Variants in MYO10 observed in about 807,000 individuals in gnomAD.
MYO10 encodes unconventional myosin-X.
In MYO10, 133 loss-of-function variants were observed where a neutral mutation model predicts 257.3. That is an observed-to-expected ratio of 0.52 (90% CI 0.45 to 0.60). MYO10 has a LOEUF of 0.60. MYO10 is among the 20% of genes least tolerant of loss of function. The probability of loss-of-function intolerance (pLI) is 0.00; values close to 1 mark genes in which losing one functional copy is unlikely to be tolerated. For missense variants in MYO10, 2,399 were observed against 2,635.7 expected (o/e 0.91, Z 1.97); for synonymous variants, 1,104 against 1,028.6 (o/e 1.07, Z -1.40).
chr5:16,688,765 G>T (rs900928767), intron 28 of MYO10, among the ~76,000 whole-genome samples: 4 of 132,980 alleles, frequency 3.0e-5, no homozygotes, highest in African/African-American at 1.1e-4. Context: ...AAAAAAAAAA[G>T]ATGTTCTCTG....
chr5:16,723,114 C>T (rs1344636023), intron 19 of MYO10, among the ~76,000 whole-genome samples: 4 of 152,266 alleles, frequency 2.6e-5, no homozygotes, highest in Admixed American at 1.3e-4. Context: ...TGGTGGCTCA[C>T]GCCTGTAATC....
intron 19 of MYO10, among the ~76,000 whole-genome samples, chr5:16,749,723 C>T (rs1011830301): frequency 1.3e-5 from 2 of 152,192 alleles, no homozygotes; most frequent in Non-Finnish European, 2.9e-5. Flanking sequence ...AACCTAAAGA[C>T]CAAACAGGGA....
intron 1 of MYO10, among the ~76,000 whole-genome samples, chr5:16,883,603 C>G (rs1744817356): frequency 6.6e-6 from 1 of 152,174 alleles, no homozygotes; most frequent in Non-Finnish European, 1.5e-5. Context: ...CATTCATCAC[C>G]TATTATCTAT....
intron 33 of MYO10, among the ~76,000 whole-genome samples, chr5:16,676,678 G>A (rs992089680): frequency 1.3e-5 from 2 of 152,006 alleles, no homozygotes; most frequent in Non-Finnish European, 1.5e-5. Context: ...ATCATGCCAC[G>A]GCACTCCAGC....
chr5:16,815,864 A>G (rs187012008), intron 3 of MYO10, among the ~76,000 whole-genome samples: 129 of 151,386 alleles, frequency 8.5e-4, no homozygotes, highest in African/African-American at 2.7e-3. Flanking sequence ...CTTTCACACC[A>G]ACAGGTATAA....
Position 16,758,102 on chromosome 5 carries a change from A to C in MYO10, c.1848+16T>G. On this transcript the variant is annotated intron_variant, in intron 18 of 40. Coordinates refer to ENST00000513610, the MANE Select transcript of MYO10 (RefSeq NM_012334.3). ...CAGTAACGACGGATTCCTCTAAGCC[A>C]GCAGTGAAAACGAACCTTGAACTGT... 1.3e-6 allele frequency: 2 copies of C among 1,555,254 alleles called. No individual in the cohort carries two copies. The highest frequency in any genetic ancestry group is 2.2e-5 in the South Asian group (2 of 89,896).
At chr5:16,666,814 C>G in intron 40 of MYO10, 21 bp from the exon 41 acceptor site, 1 of 1,567,342 alleles carries the variant, frequency 6.4e-7, no homozygotes, top group Non-Finnish European at 8.7e-7. Context: ...GGAAGCAGAA[C>G]CGACACAGCG....
intron 1 of MYO10, among the ~76,000 whole-genome samples, chr5:16,901,265 C>T (rs529231376): frequency 2.0e-5 from 3 of 152,214 alleles, no homozygotes. Context: ...CAGAGGCCCT[C>T]GCTGGCCTGC....
intron 2 of MYO10, among the ~76,000 whole-genome samples, chr5:16,858,751 A>G (rs253475): frequency 0.032 from 4,937 of 152,188 alleles, 270 homozygotes; most frequent in African/African-American, 0.11. Context: ...CGAGGTCAGG[A>G]GTTTGAGACC....
Position 16,663,552 on chromosome 5 carries a change from C to CAT in MYO10, c.*3139_*3140insAT, listed in dbSNP as rs70940396. The CAT allele has an allele frequency of 0.49, 74,548 of 151,180 alleles. 18,446 individuals are homozygous for CAT. The highest frequency in any genetic ancestry group is 0.57 in the Admixed American group (8,653 of 15,188). 9.4% of individuals were successfully genotyped at this position (151,180 alleles called of 1,614,324 possible). On this transcript the variant is annotated 3_prime_UTR_variant, in exon 41 of 41. Transcript: ENST00000513610. The stretch of plus-strand genomic sequence containing the variant: ...CACAGATAGAAAATATTTGAAAAAA[C>CAT]TTTTTTTGGTGGGGCACAGTGGCTC...
At chr5:16,835,720 T>C (rs1314932507) in intron 2 of MYO10, among the ~76,000 whole-genome samples, 1 of 150,730 alleles carries the variant, frequency 6.6e-6, no homozygotes, top group Non-Finnish European at 1.5e-5. Flanking sequence ...ACTCTCTGAA[T>C]TAATGGAAAG....
chr5:16,683,826 G>T, intron 30 of MYO10, 54 bp downstream of exon 30: 1 of 1,571,056 alleles, frequency 6.4e-7, no homozygotes, highest in Non-Finnish European at 8.7e-7. Context: ...ACAGACACCT[G>T]TGGACACACA....
chr5:16,698,622 A>ATTTTTTTT (rs1737872155), intron 26 of MYO10, among the ~76,000 whole-genome samples: 5 of 91,770 alleles, frequency 5.4e-5, no homozygotes, highest in Admixed American at 9.8e-5. Context: ...GAGAACATGC[A>ATTTTTTTT]GTTTTTTTTT....
At chr5:16,799,567 A>T (rs766080216) in intron 3 of MYO10, among the ~76,000 whole-genome samples, 1 of 151,526 alleles carries the variant, frequency 6.6e-6, no homozygotes, top group Non-Finnish European at 1.5e-5. Flanking sequence ...ATCTCGGCTC[A>T]CTGCAACCTT....
intron 1 of MYO10, among the ~76,000 whole-genome samples, chr5:16,897,639 A>C (rs1280466502): frequency 6.6e-6 from 1 of 152,222 alleles, no homozygotes; most frequent in Non-Finnish European, 1.5e-5. Context: ...AATGCCACAG[A>C]GGTTTGTCAA....
At chr5:16,830,108 C>T (rs1446800258) in intron 2 of MYO10, among the ~76,000 whole-genome samples, 4 of 151,948 alleles carry the variant, frequency 2.6e-5, no homozygotes, top group African/African-American at 9.7e-5. Flanking sequence ...TCATGGTGCG[C>T]GCCTTTAGTC....
Position 16,666,555 on chromosome 5 carries a change from A to T in MYO10, c.*137T>A. 3 of 658,236 alleles carry T rather than the reference A, an allele frequency of 4.6e-6. No homozygotes were observed. The highest frequency in any genetic ancestry group is 5.1e-6 in the Non-Finnish European group (2 of 392,090). The allele number at this position is 658,236 out of a possible 1,614,324, so 40.8% of individuals were successfully genotyped here. A position where few individuals can be genotyped will look rare whatever the true frequency, so the allele number is the denominator to read the frequency against. ...GGCAGGCAAAAGGATCCTCGGAGAC[A>T]CCTCCCTCAGACCAGAAGCTTCCAG... On this transcript the variant is annotated 3_prime_UTR_variant, in exon 41 of 41. Transcript: ENST00000513610.
chr5:16,792,110 T>C (rs868841743), intron 4 of MYO10, among the ~76,000 whole-genome samples: 22 of 138,966 alleles, frequency 1.6e-4, no homozygotes, highest in African/African-American at 3.3e-4. Flanking sequence ...CACACATACA[T>C]ACACACACAC....
chr5:16,845,062 G>A (rs1743593734), intron 2 of MYO10, among the ~76,000 whole-genome samples: 1 of 151,858 alleles, frequency 6.6e-6, no homozygotes, highest in South Asian at 2.1e-4. Context: ...GTATTAAAAT[G>A]CTCAAAAACC....
Sources: allele counts gnomAD v4.1 joint callset (sites outside exome capture counted in the v4.1 genomes callset), GRCh38; gene constraint gnomAD v4.1.1; transcripts MANE v1.5; gene names NCBI Gene and HGNC (gene_info 2026-07-23, HGNC 2026-07-21).